The following ZNF704 variants were observed in gnomAD, a reference collection of about 807,000 sequenced individuals.
ZNF704 encodes zinc finger protein 704.
In ZNF704, 10 loss-of-function variants were observed where a neutral mutation model predicts 44.7. The ratio of observed to expected loss-of-function variants is 0.22; its 90% CI spans 0.14 to 0.38. The LOEUF is 0.38. Among genes scored for constraint, ZNF704 ranks in the 10% least tolerant of loss-of-function variants. The pLI, the probability that ZNF704 is intolerant of heterozygous loss-of-function variation, is 1.00. For synonymous variants in ZNF704, 211 were observed against 207.6 expected (o/e 1.02, Z -0.14); for missense variants, 390 against 545.5 (o/e 0.71, Z 2.84).
upstream of ZNF704, among the ~76,000 whole-genome samples, chr8:80,878,473 CT>C (rs1809388278): frequency 6.6e-6 from 1 of 151,982 alleles, no homozygotes. Flanking sequence ...CCCTGTGAAA[CT>C]TTAATAGTTG....
chr8:80,739,874 C>A (rs1806728101), intron 2 of ZNF704, among the ~76,000 whole-genome samples: 1 of 152,198 alleles, frequency 6.6e-6, no homozygotes, highest in Non-Finnish European at 1.5e-5. Context: ...AGGCCCACTG[C>A]CCCAGGGGAT....
At chr8:80,769,282 T>C (rs1303550199) in intron 2 of ZNF704, among the ~76,000 whole-genome samples, 3 of 152,190 alleles carry the variant, frequency 2.0e-5, no homozygotes, top group East Asian at 1.9e-4. Flanking sequence ...TTTGAGATAA[T>C]TGTAGATTCA....
chr8:80,822,442 T>G (rs1400433971), intron 1 of ZNF704, among the ~76,000 whole-genome samples: 1 of 152,218 alleles, frequency 6.6e-6, no homozygotes, highest in Non-Finnish European at 1.5e-5. Flanking sequence ...ATCCAGTCTA[T>G]CATTGATGGG....
intron 2 of ZNF704, among the ~76,000 whole-genome samples, chr8:80,816,735 G>A (rs1435397838): frequency 6.6e-6 from 1 of 152,180 alleles, no homozygotes; most frequent in East Asian, 1.9e-4. Flanking sequence ...ATTCTAAAGA[G>A]AAACAGTGCT....
intron 2 of ZNF704, among the ~76,000 whole-genome samples, chr8:80,805,854 G>A (rs111614686): frequency 6.6e-5 from 10 of 152,038 alleles, no homozygotes; most frequent in South Asian, 2.1e-4. Flanking sequence ...GCTCCTGTAC[G>A]TCTGCAGACA....
intron 2 of ZNF704, among the ~76,000 whole-genome samples, chr8:80,748,892 C>T (rs939621335): frequency 9.2e-5 from 14 of 152,140 alleles, no homozygotes; most frequent in South Asian, 2.1e-4. Context: ...GTAGGAGAAA[C>T]GCAGAAATTC....
At chr8:80,649,368 T>A (rs562861132) in intron 7 of ZNF704, among the ~76,000 whole-genome samples, 1 of 152,282 alleles carries the variant, frequency 6.6e-6, no homozygotes, top group Admixed American at 6.5e-5. Context: ...GGATGAGGCA[T>A]CGCCTCACCC....
At chr8:80,809,846 C>T (rs1808054590) in intron 2 of ZNF704, among the ~76,000 whole-genome samples, 2 of 152,132 alleles carry the variant, frequency 1.3e-5, no homozygotes, top group Admixed American at 1.3e-4. Context: ...TCTGATTTCC[C>T]TCCACTCATA....
chr8:80,687,315 AGGGCTTGAAGCTGTCAGCCGAGAG>A lies in ZNF704; in HGVS notation c.445_468del (p.Leu149_Pro156del), dbSNP rs781440528. ...TCGTCTGGCTGCGCGGGGCTGCGGAAGGGCTTGAAGCTGTCAGCCGAGAGCGGCGGCGACGGCGTGGACGGGTTG... is the reference window on the plus strand; with the variant it reads ...TCGTCTGGCTGCGCGGGGCTGCGGAACGGCGGCGACGGCGTGGACGGGTTG... On this transcript the variant is annotated inframe_deletion, in exon 4 of 9. Transcript: ENST00000327835. 4 of 1,612,632 alleles carry A rather than the reference AGGGCTTGAAGCTGTCAGCCGAGAG, an allele frequency of 2.5e-6. No individual in the cohort carries two copies. The East Asian group carries it at 8.9e-5, about 36-fold the overall frequency.
intron 2 of ZNF704, among the ~76,000 whole-genome samples, chr8:80,759,490 T>C (rs1000633010): frequency 6.6e-6 from 1 of 152,106 alleles, no homozygotes; most frequent in African/African-American, 2.4e-5. Flanking sequence ...CAAGAGAATA[T>C]GGCAAAGGTG....
rs576027952 is a variant in ZNF704 at position 80,740,207 on chromosome 8, C to T, written c.222-47100G>A. On this transcript the variant is annotated intron_variant, in intron 2 of 8. Transcript: ENST00000327835. ...CTTTTCTAATTATGCCTGAAAGCCC[C>T]ACTCCCTTGTTAGGGAGAGACATTC... 9.2e-5 allele frequency among the ~76,000 whole-genome samples: 14 copies of T among 152,250 alleles called. No individual in the cohort carries two copies. The East Asian group carries it at 2.5e-3, about 27-fold the overall frequency.
rs531060942 is a variant in ZNF704 at position 80,669,466 on chromosome 8, C to T, written c.659+1037G>A. Among the ~76,000 whole-genome samples, 10 of 152,306 alleles carry T rather than the reference C, an allele frequency of 6.6e-5. No homozygotes were observed. In the South Asian group the frequency reaches 1.9e-3, roughly 28 times the overall value. The stretch of plus-strand genomic sequence containing the variant: ...TATGCTCTGGAAGGCTCTGGTGTGT[C>T]CCCAAACATCAGCCTGGATGATTAG... On this transcript the variant is annotated intron_variant, in intron 5 of 8. Coordinates refer to ENST00000327835, the MANE Select transcript of ZNF704 (RefSeq NM_001033723.3).
At chr8:80,658,552 T>C (rs1015148184) in intron 7 of ZNF704, 1 of 152,216 alleles carries the variant, frequency 6.6e-6, no homozygotes, top group Non-Finnish European at 1.5e-5. Context: ...CACTATTCAA[T>C]GAAAATACAA....
intron 2 of ZNF704, among the ~76,000 whole-genome samples, chr8:80,784,780 G>A (rs1408861672): frequency 6.6e-6 from 1 of 152,158 alleles, no homozygotes; most frequent in Non-Finnish European, 1.5e-5. Context: ...CTTTCATGGA[G>A]TTTGTCTTTG....
chr8:80,654,480 C>A (rs1290253029), intron 7 of ZNF704, among the ~76,000 whole-genome samples: 5 of 151,876 alleles, frequency 3.3e-5, no homozygotes, highest in African/African-American at 7.2e-5. Flanking sequence ...CAATGAACTC[C>A]AACAAATTTA....
At chr8:80,812,769 TATAG>T (rs1235996266) in intron 2 of ZNF704, among the ~76,000 whole-genome samples, 6 of 152,250 alleles carry the variant, frequency 3.9e-5, no homozygotes, top group South Asian at 4.1e-4. Flanking sequence ...ATTTTTATAC[TATAG>T]ATATAGTTCA....
chr8:80,858,710 A>G (rs1395783786), intron 1 of ZNF704, among the ~76,000 whole-genome samples: 1 of 152,144 alleles, frequency 6.6e-6, no homozygotes, highest in East Asian at 1.9e-4. Context: ...AACAAACAAA[A>G]CAACAACAAC....
intron 2 of ZNF704, among the ~76,000 whole-genome samples, chr8:80,773,302 GT>G (rs1355767846): frequency 1.3e-5 from 2 of 152,078 alleles, no homozygotes; most frequent in Non-Finnish European, 2.9e-5. Flanking sequence ...GCTTTCTTTA[GT>G]GGTCGCTTTA....
At chr8:80,788,520 GA>G (rs1807651583) in intron 2 of ZNF704, among the ~76,000 whole-genome samples, 1 of 152,220 alleles carries the variant, frequency 6.6e-6, no homozygotes, top group Non-Finnish European at 1.5e-5. Flanking sequence ...CATAGGGGTA[GA>G]ATTCAGGGAA....
Sources: allele counts gnomAD v4.1 joint callset (sites outside exome capture counted in the v4.1 genomes callset), GRCh38; gene constraint gnomAD v4.1.1; transcripts MANE v1.5; gene names NCBI Gene and HGNC (gene_info 2026-07-23, HGNC 2026-07-21).